The following LURAP1L variants were observed in gnomAD, a reference collection of about 807,000 sequenced individuals.
LURAP1L encodes the protein leucine rich adaptor protein 1-like.
LURAP1L carries 12 observed loss-of-function variants against 13.8 expected under a neutral mutation model. That is an observed-to-expected ratio of 0.87 (90% confidence interval 0.56 to 1.41). LURAP1L has a LOEUF of 1.41. Among genes scored for constraint, LURAP1L ranks in the 40% most tolerant of loss-of-function variants. The probability of loss-of-function intolerance (pLI) is 0.00; values close to 1 mark genes in which losing one functional copy is unlikely to be tolerated. For missense variants in LURAP1L, 375 were observed against 292.9 expected (o/e 1.28, Z -2.04); for synonymous variants, 139 against 119.2 (o/e 1.17, Z -1.08).
intron 1 of LURAP1L, among the ~76,000 whole-genome samples, chr9:12,793,983 T>C (rs1819479928): frequency 6.6e-6 from 1 of 152,106 alleles, no homozygotes. Flanking sequence ...CACAAACTTG[T>C]TATTGGCATT....
intron 1 of LURAP1L, among the ~76,000 whole-genome samples, chr9:12,791,911 G>T (rs1819446281): frequency 6.6e-6 from 1 of 152,062 alleles, no homozygotes; most frequent in Admixed American, 6.6e-5. Flanking sequence ...TATTTCTGCT[G>T]ACTTCAGACC....
At chr9:12,789,631 T>C (rs990544278) in intron 1 of LURAP1L, among the ~76,000 whole-genome samples, 1 of 152,174 alleles carries the variant, frequency 6.6e-6, no homozygotes, top group Non-Finnish European at 1.5e-5. Flanking sequence ...TATTGGCTAA[T>C]GCTATATGGA....
intron 1 of LURAP1L, among the ~76,000 whole-genome samples, chr9:12,795,517 A>G (rs775692824): frequency 5.3e-5 from 8 of 152,084 alleles, no homozygotes; most frequent in Admixed American, 6.6e-5. Context: ...TAAGGTAGTG[A>G]TAAGCATGGA....
chr9:12,788,891 A>G (rs75444062), intron 1 of LURAP1L, among the ~76,000 whole-genome samples: 5 of 148,686 alleles, frequency 3.4e-5, no homozygotes, highest in East Asian at 1.9e-4. Flanking sequence ...GCGAGACCCT[A>G]TATCTATATA....
chr9:12,777,513 T>C (rs1245929790), intron 1 of LURAP1L: 4 of 983,274 alleles, frequency 4.1e-6, no homozygotes, highest in Middle Eastern at 5.2e-4. Context: ...CCATGTCTTC[T>C]GTAATTTTAC....
intron 1 of LURAP1L, among the ~76,000 whole-genome samples, chr9:12,781,147 T>G (rs188562139): frequency 6.6e-5 from 10 of 152,046 alleles, no homozygotes; most frequent in African/African-American, 1.7e-4. Flanking sequence ...AATTTTGTAT[T>G]TTTAGTAGAG....
chr9:12,792,970 A>G (rs1819462949), intron 1 of LURAP1L, among the ~76,000 whole-genome samples: 1 of 152,070 alleles, frequency 6.6e-6, no homozygotes, highest in African/African-American at 2.4e-5. Context: ...GAAGAAACTT[A>G]GAATAACTAA....
chr9:12,797,350 A>T (rs1819523454), intron 1 of LURAP1L, among the ~76,000 whole-genome samples: 1 of 152,146 alleles, frequency 6.6e-6, no homozygotes. Flanking sequence ...AATAGGAATC[A>T]CACTGCGATT....
At chr9:12,813,697 T>A (rs1056670196) in intron 1 of LURAP1L, among the ~76,000 whole-genome samples, 2 of 152,166 alleles carry the variant, frequency 1.3e-5, no homozygotes, top group African/African-American at 2.4e-5. Context: ...TGTTATTCAA[T>A]TCAGTGAAGA....
At chr9:12,795,485 G>C (rs1185040659) in intron 1 of LURAP1L, among the ~76,000 whole-genome samples, 2 of 151,990 alleles carry the variant, frequency 1.3e-5, no homozygotes, top group Non-Finnish European at 2.9e-5. Context: ...TAGAGAAATA[G>C]GATAGCTGTA....
At position 12,822,828 on chromosome 9, in the gene LURAP1L, A is replaced by C. The variant is rs181311342; in HGVS notation, c.*1068A>C. Among the ~76,000 whole-genome samples the C allele has an allele frequency of 6.6e-6, 1 of 152,174 alleles. No individual in the cohort carries two copies. The highest frequency in any genetic ancestry group is 6.6e-5 in the Admixed American group (1 of 15,266). On this transcript the variant is annotated 3_prime_UTR_variant, in exon 2 of 2. Coordinates refer to ENST00000319264, the MANE Select transcript of LURAP1L (RefSeq NM_203403.2). ...AATCCTCTGCATTTCTTTTATCTTG[A>C]TAACTCCTAGTGAGGGAATCTAATT...
intron 1 of LURAP1L, 23 bp from the exon 2 acceptor site, chr9:12,821,362 TC>T (rs773215620): frequency 8.0e-5 from 127 of 1,594,694 alleles, no homozygotes; most frequent in African/African-American, 1.3e-5. Flanking sequence ...GGCTGGAATA[TC>T]TTTCTTCTCT....
At chr9:12,777,714 G>C (rs759527674) in intron 1 of LURAP1L, 42 of 338,698 alleles carry the variant, frequency 1.2e-4, no homozygotes, top group Non-Finnish European at 1.7e-4. Flanking sequence ...ACCCCACCCT[G>C]TCCCAAGGAA....
intron 1 of LURAP1L, among the ~76,000 whole-genome samples, chr9:12,783,156 G>C (rs1016960474): frequency 1.3e-5 from 2 of 152,026 alleles, no homozygotes; most frequent in Non-Finnish European, 2.9e-5. Flanking sequence ...TTGCAAATAA[G>C]AATAATTTGA....
At chr9:12,800,033 TG>T (rs1344853560) in intron 1 of LURAP1L, among the ~76,000 whole-genome samples, 3 of 152,294 alleles carry the variant, frequency 2.0e-5, no homozygotes, top group Non-Finnish European at 2.9e-5. Context: ...ATTCTCTTTT[TG>T]GGGTAGTAGC....
At chr9:12,776,618 G>T (rs576287070) in intron 1 of LURAP1L, among the ~76,000 whole-genome samples, 11 of 152,128 alleles carry the variant, frequency 7.2e-5, no homozygotes, top group Admixed American at 3.9e-4. Flanking sequence ...AGCTGGTTCT[G>T]AAAACAATGG....
Position 12,793,614 on chromosome 9 carries a change from C to A in LURAP1L, c.312+17587C>A, listed in dbSNP as rs79087841. 6.3e-3 allele frequency among the ~76,000 whole-genome samples: 955 copies of A among 152,018 alleles called. 8 individuals carry two copies. Among genetic ancestry groups the A allele is most frequent in the African/African-American group, 0.022 (904 of 41,508 alleles). The stretch of plus-strand genomic sequence containing the variant: ...AGTGAAGCAATTGACTATTTCCACT[C>A]GAAGTTGAAATCTTATGGGGATTCA... On this transcript the variant is annotated intron_variant, in intron 1 of 1. Coordinates refer to ENST00000319264, the MANE Select transcript of LURAP1L (RefSeq NM_203403.2).
At chr9:12,777,826 G>T (rs1271202167) in intron 1 of LURAP1L, among the ~76,000 whole-genome samples, 1 of 152,170 alleles carries the variant, frequency 6.6e-6, no homozygotes, top group Non-Finnish European at 1.5e-5. Flanking sequence ...AGTTTTGTGA[G>T]AATTTTTAAA....
chr9:12,788,365 C>CA (rs35611871), intron 1 of LURAP1L, among the ~76,000 whole-genome samples: 46,784 of 151,618 alleles, frequency 0.31, 7,727 homozygotes, highest in Middle Eastern at 0.46. Flanking sequence ...AGTATACATT[C>CA]AAAAACACCT....
Sources: gnomAD v4.1 joint callset for allele counts (sites outside exome capture counted in the v4.1 genomes callset) on GRCh38, gnomAD v4.1.1 for gene constraint, MANE v1.5 for transcripts, NCBI Gene and HGNC (gene_info 2026-07-23, HGNC 2026-07-21) for gene names.